Variants in RECQL4 observed in about 807,000 individuals in gnomAD.
RECQL4 encodes ATP-dependent DNA helicase Q4.
A neutral mutation model predicts 128.6 loss-of-function variants in RECQL4; 158 were observed. The observed-to-expected ratio is 1.23, with a 90% CI of 1.08 to 1.40. The LOEUF is 1.40. Among genes scored for constraint, RECQL4 ranks in the 40% most tolerant of loss-of-function variants. The pLI is 0.00. For synonymous variants in RECQL4, 996 were observed against 678.9 expected (o/e 1.47, Z -7.26); for missense variants, 2,293 against 1,649.8 (o/e 1.39, Z -6.75).
Position 144,517,400 on chromosome 8 carries a change from C to T in RECQL4, c.213+14G>A, listed in dbSNP as rs777615628. 3 of 1,555,700 alleles carry T rather than the reference C, an allele frequency of 1.9e-6. No individual in the cohort carries two copies. Among genetic ancestry groups the T allele is most frequent in the South Asian group, 1.2e-5 (1 of 85,652 alleles). On this transcript the variant is annotated intron_variant, in intron 3 of 20. Coordinates refer to ENST00000617875, the MANE Select transcript of RECQL4 (RefSeq NM_004260.4). ...GGGAAGTGGGAGGAGGCTGGGGCGG[C>T]GGGGCCTGGGTACCTCTTCGGCCGC...
At position 144,513,209 on chromosome 8, in the gene RECQL4, G is replaced by A. The variant is rs756789862; in HGVS notation, c.2463+9C>T. ...GAGCACTGGCAGTGTGGGGGGGGGG[G>A]GTGCCAACCTGGGGCTGCAGGAAGA... On this transcript the variant is annotated intron_variant, in intron 14 of 20. Transcript: ENST00000617875. The A allele has an allele frequency of 7.9e-6, 12 of 1,518,972 alleles. No homozygotes were observed. Among genetic ancestry groups the A allele is most frequent in the East Asian group, 2.3e-5 (1 of 43,142 alleles). The allele number at this position is 1,518,972 out of a possible 1,614,324, so 94.1% of individuals were successfully genotyped here. A position where few individuals can be genotyped will look rare whatever the true frequency, so the allele number is the denominator to read the frequency against.
chr8:144,512,002 T>C lies in RECQL4; in HGVS notation c.3302A>G (p.Lys1101Arg). 6.2e-7 allele frequency: 1 copy of C among 1,609,892 alleles called. No homozygotes were observed. The highest frequency in any genetic ancestry group is 8.5e-7 in the Non-Finnish European group (1 of 1,179,126). Reference protein sequence around the residue: ...QQDEERSTRLKDLLGRYFEEE... With the variant: ...QQDEERSTRLRDLLGRYFEEE... Reference sequence around the variant, plus strand: ...CTCAAAGTAGCGGCCGAGCAGGTCCTTGAGCCTGGTGCTGCGCTCCTCATC... The same window carrying C: ...CTCAAAGTAGCGGCCGAGCAGGTCCCTGAGCCTGGTGCTGCGCTCCTCATC... Residue 1101 changes from lysine (K) to arginine (R), a missense_variant, in exon 19 of 21, where the codon AAG becomes AGG. Transcript: ENST00000617875.
intron 4 of RECQL4, 46 bp from the exon 5 acceptor site, chr8:144,516,810 G>C: frequency 2.0e-6 from 3 of 1,500,508 alleles, no homozygotes; most frequent in Non-Finnish European, 2.7e-6. Context: ...AGGCCCCTGA[G>C]CTACTGTAGA....
rs781569277 is a variant in RECQL4, at chr8:144,516,334, C to T, written c.785G>A (p.Arg262Gln). 2.5e-5 allele frequency: 40 copies of T among 1,609,572 alleles called. No individual in the cohort carries two copies. The highest frequency in any genetic ancestry group is 3.0e-5 in the Non-Finnish European group (35 of 1,179,454). ...PQPSSSGGEK[R>Q]RWNEEPWESP... The stretch of plus-strand genomic sequence containing the variant: ...CTCCCAGGGCTCCTCGTTCCATCTC[C>T]GCTTCTCGCCTCCACTGCTGCTGGG... The change falls in exon 5 of 21, where the codon CGG (arginine) becomes CAG (glutamine). Residue 262 changes from arginine (R) to glutamine (Q), a missense_variant. Transcript: ENST00000617875.
rs775200679 is a variant in RECQL4 at position 144,515,173 on chromosome 8, C to T, written c.1460G>A (p.Arg487His). Residue 487 changes from arginine to histidine, a missense_variant, in exon 8 of 21, where the codon CGT becomes CAT. Physicochemically the swap from Arg to His is conservative, Grantham distance 29. Transcript: ENST00000617875. ...GHQAFRPGQE[R>H]AVMRILSGIS... ...ACCAGACAGGATCCGCATGACTGCACGCTCCTGCCCAGGGCGAAAGGCTTG... is the reference window on the plus strand; with the variant it reads ...ACCAGACAGGATCCGCATGACTGCATGCTCCTGCCCAGGGCGAAAGGCTTG... 93 of 1,565,174 alleles carry T rather than the reference C, an allele frequency of 5.9e-5. No homozygotes were observed. The highest frequency in any genetic ancestry group is 7.5e-5 in the Non-Finnish European group (87 of 1,155,956).
At position 144,514,513 on chromosome 8, in the gene RECQL4, G is replaced by A. The variant is rs1398698946; in HGVS notation, c.1633C>T (p.Pro545Ser). ...SLMDDQVSGL[P>S]PCLKAACIHS... ...ATGCAGGCCGCCTTGAGACACGGTG[G>A]CAGGCCAGACACCTGCAAATGCAGG... Residue 545 changes from proline to serine, a missense_variant, in exon 10 of 21, where the codon CCA becomes TCA. Coordinates refer to ENST00000617875, the MANE Select transcript of RECQL4 (RefSeq NM_004260.4). The A allele has an allele frequency of 1.9e-6, 3 of 1,611,590 alleles. No individual in the cohort carries two copies. The highest frequency in any genetic ancestry group is 1.7e-5 in the Admixed American group (1 of 59,894).
In RECQL4 at chr8:144,512,077, G is replaced by T; in HGVS notation, c.3237-10C>A. The T allele has an allele frequency of 6.2e-7, 1 of 1,606,898 alleles. No homozygotes were observed. ...GCTGGGGAAGGCTACGCTGTGGGGAGGAGCCTGTCAGAGCTGATCACTGCG... is the reference window on the plus strand; with the variant it reads ...GCTGGGGAAGGCTACGCTGTGGGGATGAGCCTGTCAGAGCTGATCACTGCG... On this transcript the variant is annotated splice_polypyrimidine_tract_variant and intron_variant, in intron 18 of 20. Transcript: ENST00000617875.
chr8:144,513,527 C>T (rs2130681743), intron 13 of RECQL4, 44 bp downstream of exon 13: 1 of 1,610,610 alleles, frequency 6.2e-7, no homozygotes, highest in East Asian at 2.2e-5. Flanking sequence ...ACCATGTGTG[C>T]CCAAGGTGGG....
chr8:144,511,897 CTT>C lies in RECQL4; in HGVS notation c.3393+12_3393+13del. On this transcript the variant is annotated intron_variant, in intron 19 of 20. Coordinates refer to ENST00000617875, the MANE Select transcript of RECQL4 (RefSeq NM_004260.4). ...CTGCAACCCCGATGAGCTGCCTGGC[CTT>C]ACTGCACTCACTCTGGCCTGCCCTG... is the stretch of plus-strand genomic sequence containing the variant. 1 of 1,610,304 alleles carries C rather than the reference CTT, an allele frequency of 6.2e-7. No individual in the cohort carries two copies. Among genetic ancestry groups the C allele is most frequent in the South Asian group, 1.1e-5 (1 of 91,078 alleles).
chr8:144,511,796 G>A lies in RECQL4; in HGVS notation c.3394-7C>T, dbSNP rs1273732135. 8.1e-6 allele frequency: 13 copies of A among 1,612,176 alleles called. No individual in the cohort carries two copies. Among genetic ancestry groups the A allele is most frequent in the Non-Finnish European group, 1.1e-5 (13 of 1,179,658 alleles). On this transcript the variant is annotated splice_region_variant and splice_polypyrimidine_tract_variant and intron_variant, in intron 19 of 20. Coordinates refer to ENST00000617875, the MANE Select transcript of RECQL4 (RefSeq NM_004260.4). ...GGTCCTCCCAATCCTGGAGCTGTGTGGACAGGCACATCAGGCTTCCTCTGA... is the reference window on the plus strand; with the variant it reads ...GGTCCTCCCAATCCTGGAGCTGTGTAGACAGGCACATCAGGCTTCCTCTGA...
rs1309851479 is a variant in RECQL4 at position 144,511,288 on chromosome 8, TAAAAAC to T, written c.*137_*142del. ...TTGCCTCATTGGCCAAGAGGGCCCATAAAAACAAAGTGAGCATTTTTTATTCTGCAT... is the reference window on the plus strand; with the variant it reads ...TTGCCTCATTGGCCAAGAGGGCCCATAAAGTGAGCATTTTTTATTCTGCAT... On this transcript the variant is annotated 3_prime_UTR_variant, in exon 21 of 21. Transcript: ENST00000617875. 3.2e-6 allele frequency: 5 copies of T among 1,538,888 alleles called. No homozygotes were observed. In the African/African-American group the frequency reaches 6.9e-5, roughly 21 times the overall value.
chr8:144,516,103 A>AG lies in RECQL4; in HGVS notation c.1015dup (p.Leu339ProfsTer11). 2.5e-6 allele frequency: 4 copies of AG among 1,612,836 alleles called. No homozygotes were observed. Among genetic ancestry groups the AG allele is most frequent in the Non-Finnish European group, 3.4e-6 (4 of 1,179,860 alleles). ...GCGGGCCAGCCGAGGGAAGATGTGC[A>AG]GGGGGGCTGTGCCCTCAGCCTTCCC... On this transcript the variant is annotated frameshift_variant, in exon 5 of 21. Coordinates refer to ENST00000617875, the MANE Select transcript of RECQL4 (RefSeq NM_004260.4). LOFTEE classifies it high-confidence loss of function.
At position 144,517,416 on chromosome 8, in the gene RECQL4, C is replaced by A; in HGVS notation, c.211G>T (p.Glu71Ter). The A allele has an allele frequency of 6.4e-7, 1 of 1,570,644 alleles. No homozygotes were observed. The highest frequency in any genetic ancestry group is 8.6e-7 in the Non-Finnish European group (1 of 1,163,934). ...CTGGGGCGGCGGGGCCTGGGTACCT[C>A]TTCGGCCGCCGCGGGGAGCGACTCG... ...SSESLPAAAE[E>*]APEPRCWGPH... The change falls in exon 3 of 21, where the codon GAG (glutamate) becomes TAG (stop). Residue 71 changes from glutamate to a stop codon, truncating the protein, a stop_gained and splice_region_variant. Transcript: ENST00000617875. LOFTEE classifies it high-confidence loss of function.
Position 144,514,114 on chromosome 8 carries a change from C to T in RECQL4, c.1879-7G>A. 1.2e-6 allele frequency: 2 copies of T among 1,608,008 alleles called. No individual in the cohort carries two copies. Among genetic ancestry groups the T allele is most frequent in the South Asian group, 1.1e-5 (1 of 90,422 alleles). The stretch of plus-strand genomic sequence containing the variant: ...CCATGCGCTCCCGAAGCACCTGCAC[C>T]AGAGGCGGCAGTGGTGTGAGGCCGC... On this transcript the variant is annotated splice_region_variant and splice_polypyrimidine_tract_variant and intron_variant, in intron 11 of 20. Coordinates refer to ENST00000617875, the MANE Select transcript of RECQL4 (RefSeq NM_004260.4).
At position 144,516,794 on chromosome 8, in the gene RECQL4, G is replaced by A. The variant is rs750207118; in HGVS notation, c.355-30C>T. ...GAGGGGAACAACAGAACAGCAGGAGGAACTCAGGCCCCTGAGCTACTGTAG... is the reference window on the plus strand; with the variant it reads ...GAGGGGAACAACAGAACAGCAGGAGAAACTCAGGCCCCTGAGCTACTGTAG... On this transcript the variant is annotated intron_variant, in intron 4 of 20. Transcript: ENST00000617875. 96 of 1,512,208 alleles carry A rather than the reference G, an allele frequency of 6.3e-5. No homozygotes were observed. In the South Asian group the frequency reaches 7.0e-4, roughly 11 times the overall value. The allele number at this position is 1,512,208 out of a possible 1,614,324, so 93.7% of individuals were successfully genotyped here.
Position 144,515,401 on chromosome 8 carries a change from G to A in RECQL4, c.1315C>T (p.Pro439Ser), listed in dbSNP as rs776349086. ...GPEPLVPSPQ[P>S]VPEVPSLDPT... The stretch of plus-strand genomic sequence containing the variant: ...TCCAGGCTGGGCACCTCAGGTACAG[G>A]TTGTGGTGAAGGAACCAGTGGCTCA... The change falls in exon 7 of 21, where the codon CCT (proline) becomes TCT (serine). Residue 439 changes from proline to serine, a missense_variant. Coordinates refer to ENST00000617875, the MANE Select transcript of RECQL4 (RefSeq NM_004260.4). 9 of 1,612,686 alleles carry A rather than the reference G, an allele frequency of 5.6e-6. No individual in the cohort carries two copies. The highest frequency in any genetic ancestry group is 3.3e-5 in the Admixed American group (2 of 60,000).
chr8:144,516,845 C>T (rs903133134), intron 4 of RECQL4, 81 bp from the exon 5 acceptor site: 4 of 1,418,096 alleles, frequency 2.8e-6, no homozygotes, highest in South Asian at 1.4e-5. Flanking sequence ...TGAGTCCCCA[C>T]GCTCAATTGT....
At position 144,517,032 on chromosome 8, in the gene RECQL4, T is replaced by G; in HGVS notation, c.354+18A>C. 6.2e-7 allele frequency: 1 copy of G among 1,603,966 alleles called. No homozygotes were observed. The highest frequency in any genetic ancestry group is 8.5e-7 in the Non-Finnish European group (1 of 1,173,064). ...AGCTGTGGACCTAGCGTGGACTCACTGCCTGCCCACTCCTCACCTGCAGGG... is the reference window on the plus strand; with the variant it reads ...AGCTGTGGACCTAGCGTGGACTCACGGCCTGCCCACTCCTCACCTGCAGGG... On this transcript the variant is annotated intron_variant, in intron 4 of 20. Coordinates refer to ENST00000617875, the MANE Select transcript of RECQL4 (RefSeq NM_004260.4).
At chr8:144,517,264 G>C (rs1403960128) in intron 3 of RECQL4, 74 bp from the exon 4 acceptor site, 1 of 1,520,064 alleles carries the variant, frequency 6.6e-7, no homozygotes, top group Non-Finnish European at 8.8e-7. Context: ...CACCCCTCCC[G>C]CACCTGGAGC....
Sources: gnomAD v4.1 joint callset for allele counts on GRCh38, gnomAD v4.1.1 for gene constraint, MANE v1.5 for transcripts, NCBI Gene and HGNC (gene_info 2026-07-23, HGNC 2026-07-21) for gene names.